The following LINGO2 variants were observed in gnomAD, a reference collection of about 807,000 sequenced individuals.
LINGO2 encodes leucine-rich repeat and immunoglobulin-like domain-containing nogo receptor-interacting protein 2.
A neutral mutation model predicts 30.6 loss-of-function variants in LINGO2; 14 were observed. The ratio of observed to expected loss-of-function variants is 0.46; its 90% CI spans 0.30 to 0.72. The LOEUF (loss-of-function observed/expected upper bound fraction) is 0.72. Among genes scored for constraint, LINGO2 ranks in the 30% least tolerant of loss-of-function variants. LINGO2 has a pLI of 0.07. For synonymous variants in LINGO2, 317 were observed against 288.5 expected, an observed-to-expected ratio of 1.10 and a Z score of -1.00; for missense variants, 729 against 751.7, an observed-to-expected ratio of 0.97 and a Z score of 0.35.
chr9:28,731,547 G>A, the LINGO2 span, among the ~76,000 whole-genome samples: 388 of 152,288 alleles, frequency 2.5e-3, 15 homozygotes, highest in Admixed American at 0.025. Context: ...AATGAAGAGA[G>A]TTGGTGAGTG....
intron 3 of LINGO2, among the ~76,000 whole-genome samples, chr9:28,339,660 T>A (rs1161529880): frequency 6.6e-6 from 1 of 152,202 alleles, no homozygotes; most frequent in East Asian, 1.9e-4. Context: ...ATATAAACTC[T>A]GAGTTCAGTG....
chr9:29,128,972 A>T, the LINGO2 span, among the ~76,000 whole-genome samples: 1 of 152,260 alleles, frequency 6.6e-6, no homozygotes, highest in South Asian at 2.1e-4. Context: ...TGGTAAAATT[A>T]AAAAAGAAAT....
intron 2 of LINGO2, among the ~76,000 whole-genome samples, chr9:28,376,980 T>TTATACTGCC (rs1821154937): frequency 6.7e-6 from 1 of 150,070 alleles, no homozygotes; most frequent in Admixed American, 6.6e-5. Flanking sequence ...ATAGCTACAA[T>TTATACTGCC]TATACTGCCA....
the LINGO2 span, among the ~76,000 whole-genome samples, chr9:29,141,086 A>G: frequency 6.6e-6 from 1 of 152,198 alleles, no homozygotes; most frequent in Non-Finnish European, 1.5e-5. Flanking sequence ...AGCAACACAA[A>G]AATATTTGAA....
intron 1 of LINGO2, among the ~76,000 whole-genome samples, chr9:28,506,515 T>TATATATATATAC (rs1554729666): frequency 9.9e-6 from 1 of 100,604 alleles, no homozygotes; most frequent in Admixed American, 1.2e-4. Flanking sequence ...CATATATATA[T>TATATATATATAC]ATATATAAAC....
intron 1 of LINGO2, among the ~76,000 whole-genome samples, chr9:28,518,504 C>G (rs1342141471): frequency 6.6e-6 from 1 of 152,144 alleles, no homozygotes; most frequent in Non-Finnish European, 1.5e-5. Context: ...GAAGGACACT[C>G]TCGACTTACC....
At chr9:28,535,251 C>T (rs753569399) in intron 1 of LINGO2, among the ~76,000 whole-genome samples, 61 of 151,972 alleles carry the variant, frequency 4.0e-4, no homozygotes, top group Non-Finnish European at 7.8e-4. Flanking sequence ...TACGAGAATG[C>T]TAAGAGGTCA....
intron 3 of LINGO2, among the ~76,000 whole-genome samples, chr9:28,372,568 G>C: frequency 6.6e-6 from 1 of 151,490 alleles, no homozygotes; most frequent in Middle Eastern, 3.4e-3. Flanking sequence ...AAGAAGAATA[G>C]GCTTTTTTTC....
At chr9:28,318,958 A>G (rs1824940087) in intron 3 of LINGO2, among the ~76,000 whole-genome samples, 1 of 152,174 alleles carries the variant, frequency 6.6e-6, no homozygotes, top group Non-Finnish European at 1.5e-5. Context: ...TGCTTGCTAC[A>G]TACACTTGGT....
At chr9:27,992,662 A>G (rs1257238036) in intron 5 of LINGO2, among the ~76,000 whole-genome samples, 1 of 152,146 alleles carries the variant, frequency 6.6e-6, no homozygotes, top group East Asian at 1.9e-4. Context: ...CACATTATAC[A>G]TGCATATAGA....
At chr9:28,906,594 G>T in the LINGO2 span, among the ~76,000 whole-genome samples, 111,023 of 151,578 alleles carry the variant, frequency 0.73, 40,887 homozygotes, top group Non-Finnish European at 0.78. Flanking sequence ...TGCAGAAAGG[G>T]TGTCTAATCA....
At chr9:29,158,760 A>T in the LINGO2 span, among the ~76,000 whole-genome samples, 37 of 152,106 alleles carry the variant, frequency 2.4e-4, no homozygotes, top group African/African-American at 8.9e-4. Flanking sequence ...GTCTGTGTGT[A>T]TATGTGTGTG....
intron 2 of LINGO2, among the ~76,000 whole-genome samples, chr9:28,399,193 G>T (rs1190068168): frequency 6.6e-6 from 1 of 152,096 alleles, no homozygotes. Flanking sequence ...AATATGAGGG[G>T]CTTGAGAAAA....
intron 4 of LINGO2, among the ~76,000 whole-genome samples, chr9:28,165,517 C>T (rs1034921527): frequency 6.6e-6 from 1 of 152,172 alleles, no homozygotes; most frequent in African/African-American, 2.4e-5. Context: ...GGATTGCAAT[C>T]TCAAATTCAT....
chr9:28,310,773 G>A (rs1239949857), intron 3 of LINGO2, among the ~76,000 whole-genome samples: 6 of 152,150 alleles, frequency 3.9e-5, no homozygotes, highest in Non-Finnish European at 8.8e-5. Flanking sequence ...TGGGATATAA[G>A]TATAAAGTTT....
At chr9:28,505,871 T>G (rs1820089300) in intron 1 of LINGO2, among the ~76,000 whole-genome samples, 1 of 151,912 alleles carries the variant, frequency 6.6e-6, no homozygotes, top group Non-Finnish European at 1.5e-5. Context: ...TGCAACTAAC[T>G]ACTATCCCAA....
the LINGO2 span, among the ~76,000 whole-genome samples, chr9:29,072,773 G>A: frequency 2.6e-5 from 4 of 151,136 alleles, no homozygotes; most frequent in East Asian, 2.0e-4. Context: ...TCTCCAATAC[G>A]GTAGCCACTA....
At chr9:28,173,450 T>C (rs754960428) in intron 4 of LINGO2, among the ~76,000 whole-genome samples, 18 of 152,154 alleles carry the variant, frequency 1.2e-4, no homozygotes, top group Non-Finnish European at 2.1e-4. Flanking sequence ...ATAAAACTCT[T>C]CTTTTTATTG....
chr9:28,106,401 C>A (rs781323252), intron 4 of LINGO2, among the ~76,000 whole-genome samples: 1 of 152,154 alleles, frequency 6.6e-6, no homozygotes, highest in Non-Finnish European at 1.5e-5. Context: ...GTTCTTATTA[C>A]AAATTTCAAA....
Sources: allele counts gnomAD v4.1 joint callset (sites outside exome capture counted in the v4.1 genomes callset), GRCh38; gene constraint gnomAD v4.1.1; transcripts MANE v1.5; gene names NCBI Gene and HGNC (gene_info 2026-07-23, HGNC 2026-07-21).